ELL2: variants seen among roughly 807,000 people sequenced by gnomAD.
The protein encoded by ELL2 is RNA polymerase II elongation factor ELL2.
A neutral mutation model predicts 72.8 loss-of-function variants in ELL2; 21 were observed. The observed-to-expected ratio is 0.29, with a 90% CI of 0.20 to 0.42. The LOEUF (loss-of-function observed/expected upper bound fraction) is 0.42, where lower values mean the gene tolerates loss of function less well. Ranked by LOEUF, ELL2 falls within the 10% of genes least tolerant of loss-of-function variation. The pLI is 1.00. For synonymous variants in ELL2, 266 were observed against 283.2 expected, an observed-to-expected ratio of 0.94 and a Z score of 0.61; for missense variants, 568 against 772.8, an observed-to-expected ratio of 0.73 and a Z score of 3.14.
At position 95,898,643 on chromosome 5, in the gene ELL2, G is replaced by A. The variant is rs1748982112; in HGVS notation, c.1122C>T (p.Thr374=). 3 of 1,612,838 alleles carry A rather than the reference G, an allele frequency of 1.9e-6. No homozygotes were observed. Among genetic ancestry groups the A allele is most frequent in the Admixed American group, 3.3e-5 (2 of 59,910 alleles). ...PLPPAAAAIP[T]PPPLPSTYLP... ...GATAGGTTGAAGGCAGCGGTGGAGGGGTAGGGATGGCAGCAGCCGCAGGGG... is the reference window on the plus strand; with the variant it reads ...GATAGGTTGAAGGCAGCGGTGGAGGAGTAGGGATGGCAGCAGCCGCAGGGG... Residue 374 remains threonine, a synonymous_variant, in exon 8 of 12, where the codon ACC becomes ACT. Coordinates refer to ENST00000237853, the MANE Select transcript of ELL2 (RefSeq NM_012081.6).
chr5:95,932,852 A>G (rs1172719662), intron 2 of ELL2: 1 of 152,206 alleles, frequency 6.6e-6, no homozygotes, highest in Non-Finnish European at 1.5e-5. Flanking sequence ...TTAGAGAAAT[A>G]GAGTAATTTT....
intron 1 of ELL2, among the ~76,000 whole-genome samples, chr5:95,956,208 C>CGGAA (rs1234385944): frequency 1.3e-5 from 2 of 152,094 alleles, no homozygotes; most frequent in Non-Finnish European, 2.9e-5. Flanking sequence ...CCAAGCTTCC[C>CGGAA]TGTCTATCTT....
intron 5 of ELL2, among the ~76,000 whole-genome samples, chr5:95,906,303 A>C (rs1388933646): frequency 6.6e-6 from 1 of 152,238 alleles, no homozygotes; most frequent in African/African-American, 2.4e-5. Flanking sequence ...TGTTGGTCCC[A>C]AATAAAGACA....
Position 95,903,208 on chromosome 5 carries a change from C to CTT in ELL2, c.742-2130_742-2129dup, listed in dbSNP as rs35628427. On this transcript the variant is annotated intron_variant, in intron 5 of 11. Coordinates refer to ENST00000237853, the MANE Select transcript of ELL2 (RefSeq NM_012081.6). ...TCCTGGTTTCCGCCTCTCTTAGGAC[C>CTT]TTTTTTTTTTTTTTTTTTTTTTTTT... Among the ~76,000 whole-genome samples the CTT allele has an allele frequency of 4.9e-3, 277 of 56,212 alleles. 36 individuals carry two copies. The highest frequency in any genetic ancestry group is 9.1e-3 in the East Asian group (12 of 1,316). 36.9% of individuals were successfully genotyped at this position (56,212 alleles called of 152,430 possible).
intron 2 of ELL2, among the ~76,000 whole-genome samples, chr5:95,935,620 T>C (rs77899587): frequency 0.038 from 5,749 of 152,242 alleles, 181 homozygotes; most frequent in Admixed American, 0.075. Context: ...AATTCTCCAA[T>C]GGGAATACCC....
intron 9 of ELL2, among the ~76,000 whole-genome samples, chr5:95,894,600 C>T (rs1190046683): frequency 1.3e-5 from 2 of 152,190 alleles, no homozygotes; most frequent in Non-Finnish European, 1.5e-5. Context: ...TCCTAGAGAA[C>T]TCTAAAACCA....
chr5:95,901,193 G>T, intron 5 of ELL2, 113 bp from the exon 6 acceptor site: 1 of 1,181,128 alleles, frequency 8.5e-7, no homozygotes, highest in Non-Finnish European at 1.2e-6. Flanking sequence ...TGGCCCCAAA[G>T]GGACTGCTAG....
In ELL2 at chr5:95,927,423, A is replaced by ACACACACACACG. The variant is rs1750354366; in HGVS notation, c.196-7879_196-7878insCGTGTGTGTGTG. On this transcript the variant is annotated intron_variant, in intron 2 of 11. Transcript: ENST00000237853. ...CATACACACACGTGTGTATATAGAC[A>ACACACACACACG]TACACACACACGTGTGTATATAGAC... is the stretch of plus-strand genomic sequence containing the variant. Among the ~76,000 whole-genome samples, 6 of 61,638 alleles carry ACACACACACACG rather than the reference A, an allele frequency of 9.7e-5. 2 individuals carry two copies. The highest frequency in any genetic ancestry group is 8.1e-4 in the Admixed American group (6 of 7,446). 40.4% of individuals were successfully genotyped at this position (61,638 alleles called of 152,430 possible).
rs756499990 is a variant in ELL2, at chr5:95,961,635, T to C, written c.87A>G (p.Val29=). 1.9e-5 allele frequency: 31 copies of C among 1,609,828 alleles called. No homozygotes were observed. In the Middle Eastern group the frequency reaches 5.0e-4, roughly 26 times the overall value. Residue 29 remains valine, a synonymous_variant, in exon 1 of 12, where the codon GTA becomes GTG. Coordinates refer to ENST00000237853, the MANE Select transcript of ELL2 (RefSeq NM_012081.6). ...CGRLGQDNIT[V]LHVKLTETAI... The stretch of plus-strand genomic sequence containing the variant: ...CCGTCTCGGTGAGCTTCACATGCAG[T>C]ACGGTGATGTTGTCCTGCCCCAGCC...
intron 3 of ELL2, 138 bp from the exon 4 acceptor site, chr5:95,914,072 T>TA: frequency 2.9e-6 from 2 of 684,854 alleles, no homozygotes; most frequent in Admixed American, 3.9e-5. Context: ...TTTTTAAATG[T>TA]AAATGCTATT....
chr5:95,904,474 T>A (rs916156283), intron 5 of ELL2, among the ~76,000 whole-genome samples: 2 of 152,262 alleles, frequency 1.3e-5, no homozygotes, highest in African/African-American at 4.8e-5. Context: ...AATTTCCTGG[T>A]GGATGTTAAG....
chr5:95,924,663 A>C (rs181553105), intron 2 of ELL2, among the ~76,000 whole-genome samples: 5 of 152,310 alleles, frequency 3.3e-5, no homozygotes, highest in African/African-American at 1.2e-4. Flanking sequence ...AGCAGATTTT[A>C]ATTTTCATTC....
In ELL2 at chr5:95,888,839, G is replaced by C. The variant is rs1208060058; in HGVS notation, c.*32C>G. ...TGGAATTTTAAATAAATAAGCTTAAGTTTATTCACATCTTCTGGTCCAAGC... is the reference window on the plus strand; with the variant it reads ...TGGAATTTTAAATAAATAAGCTTAACTTTATTCACATCTTCTGGTCCAAGC... On this transcript the variant is annotated 3_prime_UTR_variant, in exon 12 of 12. Transcript: ENST00000237853. The C allele has an allele frequency of 1.4e-6, 2 of 1,464,710 alleles. No individual in the cohort carries two copies. Among genetic ancestry groups the C allele is most frequent in the Non-Finnish European group, 1.9e-6 (2 of 1,076,352 alleles). 90.7% of individuals were successfully genotyped at this position (1,464,710 alleles called of 1,614,324 possible). A position where few individuals can be genotyped will look rare whatever the true frequency, so the allele number is the denominator to read the frequency against.
In ELL2 at chr5:95,886,011, T is replaced by G. The variant is rs1270493506; in HGVS notation, c.*2860A>C. 1 of 152,210 alleles carries G rather than the reference T, an allele frequency of 6.6e-6. No homozygotes were observed. The highest frequency in any genetic ancestry group is 1.5e-5 in the Non-Finnish European group (1 of 68,026). 9.4% of individuals were successfully genotyped at this position (152,210 alleles called of 1,614,324 possible). A position where few individuals can be genotyped will look rare whatever the true frequency, so the allele number is the denominator to read the frequency against. The stretch of plus-strand genomic sequence containing the variant: ...CAACCTGGAGTTGATTTAAGGATGT[T>G]GGTAAAAATCTTCAAAAGTCCTTCA... On this transcript the variant is annotated 3_prime_UTR_variant, in exon 12 of 12. Coordinates refer to ENST00000237853, the MANE Select transcript of ELL2 (RefSeq NM_012081.6).
At position 95,900,997 on chromosome 5, in the gene ELL2, G is replaced by A. The variant is rs775359398; in HGVS notation, c.825C>T (p.Tyr275=). Residue 275 remains tyrosine, a synonymous_variant, in exon 6 of 12, where the codon TAC becomes TAT. Coordinates refer to ENST00000237853, the MANE Select transcript of ELL2 (RefSeq NM_012081.6). ...FKELQRDWPG[Y]SEIDRRSLES... ...CCAATGACCGTCTGTCTATTTCACT[G>A]TATCCAGGCCAGTCTCTTTGAAGCT... 2.5e-6 allele frequency: 4 copies of A among 1,613,208 alleles called. No individual in the cohort carries two copies. The Admixed American group carries it at 6.7e-5, about 27-fold the overall frequency.
intron 5 of ELL2, among the ~76,000 whole-genome samples, chr5:95,901,853 A>G (rs918172633): frequency 2.0e-5 from 3 of 152,232 alleles, no homozygotes; most frequent in African/African-American, 7.2e-5. Context: ...TACAATGTAA[A>G]GCTAAACAAA....
At chr5:95,949,717 T>A (rs957788284) in intron 1 of ELL2, among the ~76,000 whole-genome samples, 2 of 148,178 alleles carry the variant, frequency 1.3e-5, no homozygotes, top group African/African-American at 5.0e-5. Flanking sequence ...AAAAAAAAAA[T>A]TCCAATGTCA....
rs748243533 is a variant in ELL2, at chr5:95,898,715, A to C, written c.1050T>G (p.Gly350=). Residue 350 remains glycine, a synonymous_variant, in exon 8 of 12, where the codon GGT becomes GGG. Coordinates refer to ENST00000237853, the MANE Select transcript of ELL2 (RefSeq NM_012081.6). ...ATTTTTCACTGGTGGGATTCAAATG[A>C]CCATTTAGTGTTGGTGGTACTCTGT... The part of the protein sequence containing the change: ...LTNRVPPTLN[G]HLNPTSEKSA... The C allele has an allele frequency of 1.9e-6, 3 of 1,611,556 alleles. No individual in the cohort carries two copies. In the East Asian group the frequency reaches 6.7e-5, roughly 36 times the overall value.
intron 2 of ELL2, among the ~76,000 whole-genome samples, chr5:95,929,535 G>C (rs1227034388): frequency 2.0e-5 from 3 of 152,096 alleles, no homozygotes; most frequent in Non-Finnish European, 2.9e-5. Flanking sequence ...GGGATTACAG[G>C]TGTGAGCCAC....
Sources: gnomAD v4.1 joint callset for allele counts (sites outside exome capture counted in the v4.1 genomes callset) on GRCh38, gnomAD v4.1.1 for gene constraint, MANE v1.5 for transcripts, NCBI Gene and HGNC (gene_info 2026-07-23, HGNC 2026-07-21) for gene names.